Variants in KCNH1 observed in about 807,000 individuals in gnomAD.
KCNH1 encodes the protein potassium voltage-gated channel subfamily H member 1, also known as voltage-gated delayed rectifier potassium channel KCNH1.
In KCNH1, 27 loss-of-function variants were observed where a neutral mutation model predicts 69.2. The ratio of observed to expected loss-of-function variants is 0.39; its 90% CI spans 0.29 to 0.54. The LOEUF (loss-of-function observed/expected upper bound fraction) is 0.54, where lower values mean the gene tolerates loss of function less well. Among genes scored for constraint, KCNH1 ranks in the 20% least tolerant of loss-of-function variants. The pLI is 0.68. For missense variants in KCNH1, 798 were observed against 1,261.6 expected, an observed-to-expected ratio of 0.63 and a Z score of 5.57; for synonymous variants, 456 against 487.7, an observed-to-expected ratio of 0.93 and a Z score of 0.86.
chr1:210,925,629 G>A (rs545204228), intron 6 of KCNH1, among the ~76,000 whole-genome samples: 1 of 152,184 alleles, frequency 6.6e-6, no homozygotes, highest in Non-Finnish European at 1.5e-5. Flanking sequence ...CTGGTGACCT[G>A]TATGACTCAG....
chr1:210,935,969 G>T (rs1369417985), intron 6 of KCNH1, among the ~76,000 whole-genome samples: 1 of 152,126 alleles, frequency 6.6e-6, no homozygotes, highest in Non-Finnish European at 1.5e-5. Flanking sequence ...TTTAAATTGG[G>T]CTTTACATTG....
chr1:210,973,330 T>C (rs997352247), intron 6 of KCNH1, among the ~76,000 whole-genome samples: 5 of 152,284 alleles, frequency 3.3e-5, no homozygotes, highest in East Asian at 1.9e-4. Flanking sequence ...TTTATATCTA[T>C]ACTATCTTTC....
At chr1:210,770,927 C>T (rs1484140341) in intron 10 of KCNH1, among the ~76,000 whole-genome samples, 2 of 152,150 alleles carry the variant, frequency 1.3e-5, no homozygotes, top group South Asian at 2.1e-4. Context: ...ACTTATTAAC[C>T]GGGCAACCTT....
chr1:210,771,630 C>T (rs200158821), intron 10 of KCNH1, among the ~76,000 whole-genome samples: 1 of 105,456 alleles, frequency 9.5e-6, no homozygotes, highest in Non-Finnish European at 2.3e-5. Flanking sequence ...AACAAAATAA[C>T]AATAACATAC....
At chr1:210,887,371 G>T (rs907604993) in intron 7 of KCNH1, among the ~76,000 whole-genome samples, 39 of 152,234 alleles carry the variant, frequency 2.6e-4, no homozygotes, top group African/African-American at 9.4e-4. Context: ...CACCAGGCCT[G>T]CCTTACAAGA....
intron 5 of KCNH1, among the ~76,000 whole-genome samples, chr1:211,048,130 C>T (rs541287891): frequency 3.3e-5 from 5 of 152,154 alleles, no homozygotes; most frequent in African/African-American, 9.6e-5. Flanking sequence ...AACCACAATG[C>T]GATACTACCT....
intron 10 of KCNH1, among the ~76,000 whole-genome samples, chr1:210,765,568 G>T (rs193293904): frequency 6.6e-6 from 1 of 152,282 alleles, no homozygotes; most frequent in East Asian, 1.9e-4. Flanking sequence ...CTTGGCAGAT[G>T]AGACAATAAA....
At chr1:210,786,083 C>T (rs545149362) in intron 9 of KCNH1, among the ~76,000 whole-genome samples, 8 of 152,164 alleles carry the variant, frequency 5.3e-5, no homozygotes, top group Non-Finnish European at 1.0e-4. Flanking sequence ...TTATTAAGCA[C>T]CCCTGAACCC....
At chr1:210,888,625 GT>G (rs1215497833) in intron 7 of KCNH1, among the ~76,000 whole-genome samples, 2 of 152,072 alleles carry the variant, frequency 1.3e-5, no homozygotes, top group Non-Finnish European at 2.9e-5. Flanking sequence ...CCAGGAGCTG[GT>G]TTTTTGAAAA....
intron 6 of KCNH1, among the ~76,000 whole-genome samples, chr1:210,995,630 C>A (rs1689017818): frequency 6.6e-6 from 1 of 152,110 alleles, no homozygotes; most frequent in Non-Finnish European, 1.5e-5. Flanking sequence ...TGGGCAGCAC[C>A]CTGTCCTCAA....
chr1:210,977,176 C>T (rs1204998640), intron 6 of KCNH1, among the ~76,000 whole-genome samples: 1 of 152,160 alleles, frequency 6.6e-6, no homozygotes, highest in East Asian at 1.9e-4. Context: ...CCATCATTCT[C>T]AGCAAACTAT....
chr1:211,043,752 G>A (rs1363292582), intron 5 of KCNH1, among the ~76,000 whole-genome samples: 5 of 152,094 alleles, frequency 3.3e-5, no homozygotes, highest in African/African-American at 1.2e-4. Context: ...ATTATCAAGT[G>A]GGTTCCATAC....
intron 7 of KCNH1, among the ~76,000 whole-genome samples, chr1:210,810,651 A>AT (rs1380632748): frequency 1.1e-4 from 17 of 151,632 alleles, no homozygotes; most frequent in Admixed American, 9.2e-4. Context: ...TTTCCATGAG[A>AT]TTTTTTTCAT....
intron 7 of KCNH1, among the ~76,000 whole-genome samples, chr1:210,840,770 A>T (rs1210824723): frequency 6.6e-6 from 1 of 152,150 alleles, no homozygotes; most frequent in African/African-American, 2.4e-5. Context: ...AGACTCAAAA[A>T]AGCCCCTCAA....
intron 7 of KCNH1, among the ~76,000 whole-genome samples, chr1:210,816,748 C>A (rs1210584516): frequency 6.6e-6 from 1 of 152,150 alleles, no homozygotes; most frequent in Non-Finnish European, 1.5e-5. Flanking sequence ...TTTTAAAAGT[C>A]ATTTAAACAA....
chr1:210,810,109 G>GA (rs1230778584), intron 7 of KCNH1, among the ~76,000 whole-genome samples: 1 of 151,680 alleles, frequency 6.6e-6, no homozygotes, highest in East Asian at 1.9e-4. Context: ...ATAGCTTTCT[G>GA]AAAAAAAGGA....
chr1:210,804,687 C>T (rs908685469), intron 7 of KCNH1, among the ~76,000 whole-genome samples: 13 of 152,068 alleles, frequency 8.5e-5, no homozygotes, highest in Non-Finnish European at 1.9e-4. Context: ...AGACCTGGTC[C>T]TCACAGAGCA....
intron 5 of KCNH1, among the ~76,000 whole-genome samples, chr1:211,059,300 G>C (rs1690378135): frequency 2.0e-5 from 3 of 151,600 alleles, no homozygotes; most frequent in Admixed American, 6.6e-5. Flanking sequence ...AAAATAGAGA[G>C]AGAGAGACAG....
At chr1:211,030,661 G>GA (rs904989982) in intron 5 of KCNH1, among the ~76,000 whole-genome samples, 46 of 149,672 alleles carry the variant, frequency 3.1e-4, no homozygotes, top group African/African-American at 9.3e-4. Context: ...GTTTTTTTTA[G>GA]AAAAAAAAAG....
Sources: gnomAD v4.1 joint callset for allele counts (sites outside exome capture counted in the v4.1 genomes callset) on GRCh38, gnomAD v4.1.1 for gene constraint, MANE v1.5 for transcripts, NCBI Gene and HGNC (gene_info 2026-07-23, HGNC 2026-07-21) for gene names.